The following VAX2 variants were observed in gnomAD, a reference collection of about 807,000 sequenced individuals.
VAX2 encodes the protein ventral anterior homeobox 2.
A neutral mutation model predicts 12.5 loss-of-function variants in VAX2; 8 were observed. The ratio of observed to expected loss-of-function variants is 0.64; its 90% CI spans 0.37 to 1.15. The LOEUF is 1.15. Ranked by LOEUF, VAX2 falls within the 50% of genes most tolerant of loss-of-function variation. The pLI, the probability that VAX2 is intolerant of heterozygous loss-of-function variation, is 0.01. For missense variants in VAX2, 476 were observed against 412.9 expected (o/e 1.15, Z -1.32); for synonymous variants, 183 against 187.6 (o/e 0.98, Z 0.20).
At chr2:70,922,305 C>T (rs527590879) in intron 2 of VAX2, among the ~76,000 whole-genome samples, 1 of 152,092 alleles carries the variant, frequency 6.6e-6, no homozygotes, top group African/African-American at 2.4e-5. Context: ...GAGGGGAATG[C>T]GGAAGCACTG....
rs1281777465 is a variant in VAX2 at position 70,933,063 on chromosome 2, T to G, written c.732T>G (p.Pro244=). ...CAGCGTCCCCCCCACTGCCGCCCCC[T>G]CTGCCAGCTGTCTGCTTTTCCTCGG... ...SASASPPLPP[P]LPAVCFSSAP... is the part of the protein sequence containing the mutation. The change falls in exon 3 of 3, where the codon CCT becomes CCG. Residue 244 remains proline, a synonymous_variant. Coordinates refer to ENST00000234392, the MANE Select transcript of VAX2 (RefSeq NM_012476.3). The G allele has an allele frequency of 1.0e-5, 16 of 1,606,764 alleles. No homozygotes were observed. The highest frequency in any genetic ancestry group is 1.3e-5 in the Non-Finnish European group (15 of 1,176,928).
At chr2:70,906,546 T>A (rs1219316143) in intron 1 of VAX2, among the ~76,000 whole-genome samples, 2 of 129,994 alleles carry the variant, frequency 1.5e-5, no homozygotes, top group Non-Finnish European at 3.2e-5. Context: ...TTTTTTTTTT[T>A]AGATAGAGTG....
intron 2 of VAX2, 112 bp from the exon 3 acceptor site, chr2:70,932,654 AT>A: frequency 3.9e-5 from 1 of 25,722 alleles, no homozygotes; most frequent in East Asian, 9.8e-4. Context: ...CCCCACCCCC[AT>A]CCACCACCTG....
intron 2 of VAX2, among the ~76,000 whole-genome samples, chr2:70,932,398 TGTG>T (rs1351561523): frequency 6.6e-6 from 1 of 152,100 alleles, no homozygotes; most frequent in African/African-American, 2.4e-5. Flanking sequence ...TGGCTGAGGC[TGTG>T]AACTTGACTT....
At chr2:70,924,581 G>A (rs1465281316) in intron 2 of VAX2, among the ~76,000 whole-genome samples, 4 of 152,072 alleles carry the variant, frequency 2.6e-5, no homozygotes, top group Non-Finnish European at 4.4e-5. Context: ...GACTTGCAGC[G>A]GGTGCATTCA....
At chr2:70,931,099 C>T (rs76324741) in intron 2 of VAX2, among the ~76,000 whole-genome samples, 40 of 152,352 alleles carry the variant, frequency 2.6e-4, no homozygotes, top group African/African-American at 9.4e-4. Context: ...CAGGGCAGCA[C>T]ACCCTTCCTC....
At chr2:70,902,295 A>G (rs1678952540) in intron 1 of VAX2, among the ~76,000 whole-genome samples, 1 of 152,208 alleles carries the variant, frequency 6.6e-6, no homozygotes, top group Non-Finnish European at 1.5e-5. Context: ...GCCAGATGTC[A>G]CTGGGACAGT....
chr2:70,928,913 T>C (rs971592119), intron 2 of VAX2, among the ~76,000 whole-genome samples: 7 of 152,368 alleles, frequency 4.6e-5, no homozygotes, highest in Admixed American at 4.6e-4. Context: ...CCAAGTATTA[T>C]TGTCCCCATT....
At chr2:70,911,306 T>C (rs1344870824) in intron 1 of VAX2, among the ~76,000 whole-genome samples, 2 of 152,202 alleles carry the variant, frequency 1.3e-5, no homozygotes, top group Non-Finnish European at 2.9e-5. Context: ...TGTTTACATA[T>C]AGCCAAAGTT....
At chr2:70,919,869 A>G (rs149180726) in intron 1 of VAX2, among the ~76,000 whole-genome samples, 226 of 152,336 alleles carry the variant, frequency 1.5e-3, no homozygotes, top group Non-Finnish European at 2.4e-3. Context: ...AATAAACAAA[A>G]CAAAATTAAA....
chr2:70,929,866 TG>T (rs1453119812), intron 2 of VAX2, among the ~76,000 whole-genome samples: 1 of 152,230 alleles, frequency 6.6e-6, no homozygotes, highest in Non-Finnish European at 1.5e-5. Context: ...TTGTGTTTGT[TG>T]TTCATCCTCT....
chr2:70,909,145 G>A (rs1247529261), intron 1 of VAX2, among the ~76,000 whole-genome samples: 5 of 151,974 alleles, frequency 3.3e-5, no homozygotes, highest in African/African-American at 9.7e-5. Flanking sequence ...AGTATAAAAT[G>A]TCTTTTTATT....
chr2:70,910,800 C>CA (rs146398686), intron 1 of VAX2, among the ~76,000 whole-genome samples: 46,068 of 143,104 alleles, frequency 0.32, 7,352 homozygotes, highest in African/African-American at 0.34. Flanking sequence ...AAAAACAAAA[C>CA]AAAACAAAAA....
In VAX2 at chr2:70,929,266, C is replaced by G. The variant is rs554932672; in HGVS notation, c.436-3501C>G. 1.1e-4 allele frequency among the ~76,000 whole-genome samples: 16 copies of G among 152,376 alleles called. No individual in the cohort carries two copies. The East Asian group carries it at 2.7e-3, about 26-fold the overall frequency. ...ATTCCATTAACAAAACAGTCACCCC[C>G]CTCCTTCCTTTCTGCTATCCTGCCA... is the stretch of plus-strand genomic sequence containing the variant. On this transcript the variant is annotated intron_variant, in intron 2 of 2. Transcript: ENST00000234392.
intron 1 of VAX2, among the ~76,000 whole-genome samples, chr2:70,914,041 A>T (rs1326810988): frequency 1.3e-5 from 2 of 152,208 alleles, no homozygotes; most frequent in African/African-American, 4.8e-5. Flanking sequence ...CTTGTGGAAA[A>T]TACTGAGGAT....
At chr2:70,918,811 G>A (rs544029625) in intron 1 of VAX2, among the ~76,000 whole-genome samples, 12 of 144,062 alleles carry the variant, frequency 8.3e-5, no homozygotes, top group Non-Finnish European at 1.5e-4. Flanking sequence ...CAGGAGAATG[G>A]TGTGAACCCT....
chr2:70,917,151 C>CAAAAA lies in VAX2; in HGVS notation c.248-3930_248-3926dup, dbSNP rs55909927. ...GGGCAACAAGAGTGAAACTCTGTCTCAAAAAAAAAAAAAAAAAAAAATCAG... is the reference window on the plus strand; with the variant it reads ...GGGCAACAAGAGTGAAACTCTGTCTCAAAAAAAAAAAAAAAAAAAAAAAAAATCAG... On this transcript the variant is annotated intron_variant, in intron 1 of 2. Transcript: ENST00000234392. Among the ~76,000 whole-genome samples, 15 of 82,650 alleles carry CAAAAA rather than the reference C, an allele frequency of 1.8e-4. No individual in the cohort carries two copies. The East Asian group carries it at 1.9e-3, about 10-fold the overall frequency. 54.2% of individuals were successfully genotyped at this position (82,650 alleles called of 152,430 possible). A position where few individuals can be genotyped will look rare whatever the true frequency, so the allele number is the denominator to read the frequency against.
intron 2 of VAX2, among the ~76,000 whole-genome samples, chr2:70,922,855 G>C (rs532648356): frequency 5.9e-5 from 9 of 152,294 alleles, no homozygotes; most frequent in African/African-American, 2.2e-4. Flanking sequence ...GCAGTGGCAG[G>C]GCCAGGCCAG....
chr2:70,930,104 A>T (rs1349842667), intron 2 of VAX2, among the ~76,000 whole-genome samples: 1 of 152,220 alleles, frequency 6.6e-6, no homozygotes, highest in African/African-American at 2.4e-5. Context: ...AGGCTGAGGC[A>T]AGAGGATCAC....
Sources: gnomAD v4.1 joint callset for allele counts (sites outside exome capture counted in the v4.1 genomes callset) on GRCh38, gnomAD v4.1.1 for gene constraint, MANE v1.5 for transcripts, NCBI Gene and HGNC (gene_info 2026-07-23, HGNC 2026-07-21) for gene names.